Variants in SLC25A13 observed in about 807,000 individuals in gnomAD.
SLC25A13 encodes electrogenic aspartate/glutamate antiporter SLC25A13, mitochondrial.
Under a neutral mutation model 85.5 loss-of-function variants are expected in SLC25A13, and 70 were observed. The ratio of observed to expected loss-of-function variants is 0.82; its 90% CI spans 0.68 to 1.00. The LOEUF (loss-of-function observed/expected upper bound fraction) is 1.00, where lower values mean the gene tolerates loss of function less well. SLC25A13 is among the 50% of genes least tolerant of loss of function. The pLI, the probability that SLC25A13 is intolerant of heterozygous loss-of-function variation, is 0.00. For synonymous variants in SLC25A13, 259 were observed against 288.7 expected (o/e 0.90, Z 1.04); for missense variants, 765 against 819.8 (o/e 0.93, Z 0.82).
chr7:96,126,642 G>C (rs1175116282), intron 15 of SLC25A13, among the ~76,000 whole-genome samples: 1 of 152,158 alleles, frequency 6.6e-6, no homozygotes, highest in African/African-American at 2.4e-5. Flanking sequence ...ATTAGAGGTA[G>C]TTTCTCCTGC....
At position 96,189,336 on chromosome 7, in the gene SLC25A13, T is replaced by C. The variant is rs753493066; in HGVS notation, c.891A>G (p.Glu297=). ...LADIERIAPL[E]EGTLPFNLAE... is the part of the protein sequence containing the mutation. ...CCAAGTTAAAGGGCAGAGTTCCCTCTTCCAGAGGAGCAATCCGTTCAATGT... is the reference window on the plus strand; with the variant it reads ...CCAAGTTAAAGGGCAGAGTTCCCTCCTCCAGAGGAGCAATCCGTTCAATGT... Residue 297 remains glutamate (E), a synonymous_variant, in exon 9 of 18, where the codon GAA becomes GAG. Coordinates refer to ENST00000265631, the MANE Select transcript of SLC25A13 (RefSeq NM_014251.3). 6.2e-7 allele frequency: 1 copy of C among 1,614,164 alleles called. No individual in the cohort carries two copies. The highest frequency in any genetic ancestry group is 1.1e-5 in the South Asian group (1 of 91,076).
At chr7:96,138,822 TC>T in intron 14 of SLC25A13, among the ~76,000 whole-genome samples, 1 of 152,174 alleles carries the variant, frequency 6.6e-6, no homozygotes, top group East Asian at 1.9e-4. Context: ...CTTTAAGGAA[TC>T]CTTTTTTTCT....
intron 15 of SLC25A13, among the ~76,000 whole-genome samples, chr7:96,126,842 A>C (rs1791749307): frequency 6.6e-6 from 1 of 152,124 alleles, no homozygotes; most frequent in South Asian, 2.1e-4. Context: ...GTCTTGATTC[A>C]ATTTCTTCAT....
chr7:96,244,696 A>G lies in SLC25A13; in HGVS notation c.213-9779T>C, dbSNP rs1283652622. On this transcript the variant is annotated intron_variant, in intron 3 of 17. Coordinates refer to ENST00000265631, the MANE Select transcript of SLC25A13 (RefSeq NM_014251.3). Reference sequence around the variant, plus strand: ...AGGACCTTGGCATTCCCTGGAGTGCATGTGTTCTGAGGCCAGCAGGGCTCT... The same window carrying G: ...AGGACCTTGGCATTCCCTGGAGTGCGTGTGTTCTGAGGCCAGCAGGGCTCT... Among the ~76,000 whole-genome samples, 7 of 152,152 alleles carry G rather than the reference A, an allele frequency of 4.6e-5. No individual in the cohort carries two copies. In the East Asian group the frequency reaches 1.2e-3, roughly 25 times the overall value.
At chr7:96,248,889 T>C (rs1223146286) in intron 3 of SLC25A13, among the ~76,000 whole-genome samples, 1 of 152,236 alleles carries the variant, frequency 6.6e-6, no homozygotes, top group African/African-American at 2.4e-5. Flanking sequence ...TTCTGAATGA[T>C]TAAGACATTC....
At chr7:96,277,997 T>C (rs73710269) in intron 2 of SLC25A13, among the ~76,000 whole-genome samples, 2,041 of 152,296 alleles carry the variant, frequency 0.013, 40 homozygotes, top group African/African-American at 0.046. Flanking sequence ...TACTGTCCTC[T>C]CCATTCTAAG....
At chr7:96,169,466 G>C (rs1793910290) in intron 13 of SLC25A13, among the ~76,000 whole-genome samples, 1 of 152,056 alleles carries the variant, frequency 6.6e-6, no homozygotes, top group African/African-American at 2.4e-5. Context: ...GATAAAACGA[G>C]ACACAATGTT....
chr7:96,131,166 C>A (rs540385348), intron 15 of SLC25A13, among the ~76,000 whole-genome samples: 2 of 152,246 alleles, frequency 1.3e-5, no homozygotes, highest in South Asian at 4.2e-4. Context: ...TGATCCCTGG[C>A]ATGGTTAATT....
chr7:96,206,647 G>A (rs1795472884), intron 5 of SLC25A13, among the ~76,000 whole-genome samples: 1 of 152,176 alleles, frequency 6.6e-6, no homozygotes, highest in African/African-American at 2.4e-5. Flanking sequence ...TAAAAGTTCA[G>A]TACTTCTATT....
chr7:96,138,902 T>C (rs370872987), intron 14 of SLC25A13, among the ~76,000 whole-genome samples: 1 of 152,220 alleles, frequency 6.6e-6, no homozygotes, highest in African/African-American at 2.4e-5. Context: ...AGCCATCTCC[T>C]TTTAATTTGC....
intron 5 of SLC25A13, among the ~76,000 whole-genome samples, chr7:96,197,371 G>C (rs1377773127): frequency 6.6e-6 from 1 of 152,162 alleles, no homozygotes; most frequent in Non-Finnish European, 1.5e-5. Context: ...TAGTAGCAGA[G>C]ACCAAGGAGG....
At chr7:96,249,202 C>G (rs1797320120) in intron 3 of SLC25A13, among the ~76,000 whole-genome samples, 1 of 152,186 alleles carries the variant, frequency 6.6e-6, no homozygotes, top group South Asian at 2.1e-4. Flanking sequence ...AGTAGCATTT[C>G]TAGATTTTAC....
chr7:96,244,203 C>G (rs1232290087), intron 3 of SLC25A13, among the ~76,000 whole-genome samples: 2 of 152,144 alleles, frequency 1.3e-5, no homozygotes, highest in Non-Finnish European at 2.9e-5. Flanking sequence ...CAGCCCCTCC[C>G]CATCAAGAGG....
intron 13 of SLC25A13, among the ~76,000 whole-genome samples, chr7:96,148,400 C>A (rs1792890737): frequency 6.6e-6 from 1 of 152,158 alleles, no homozygotes; most frequent in Non-Finnish European, 1.5e-5. Context: ...TTGTTTACAG[C>A]CCGTGAGTGT....
At chr7:96,206,542 T>G (rs1381245265) in intron 5 of SLC25A13, among the ~76,000 whole-genome samples, 2 of 152,152 alleles carry the variant, frequency 1.3e-5, no homozygotes, top group Non-Finnish European at 2.9e-5. Flanking sequence ...CCTATCATGG[T>G]CCATCCATTA....
At chr7:96,297,947 C>T (rs1034665983) in intron 1 of SLC25A13, among the ~76,000 whole-genome samples, 59 of 152,160 alleles carry the variant, frequency 3.9e-4, no homozygotes, top group African/African-American at 1.4e-3. Context: ...TGGGGAAAAG[C>T]AAGACAAACT....
chr7:96,191,514 G>A (rs1794852092), intron 6 of SLC25A13, among the ~76,000 whole-genome samples: 1 of 152,176 alleles, frequency 6.6e-6, no homozygotes, highest in African/African-American at 2.4e-5. Context: ...AACAGGACTA[G>A]TAGTAATTTA....
intron 13 of SLC25A13, among the ~76,000 whole-genome samples, chr7:96,168,405 C>A (rs1405500563): frequency 6.6e-6 from 1 of 152,072 alleles, no homozygotes. Flanking sequence ...CAATTTTAAG[C>A]CTGTGTTTAG....
chr7:96,294,287 G>C (rs559729821), intron 2 of SLC25A13, among the ~76,000 whole-genome samples: 233 of 152,050 alleles, frequency 1.5e-3, no homozygotes, highest in African/African-American at 5.0e-3. Context: ...TTGTGGGGTG[G>C]GGGGAGGAGG....
Sources: gnomAD v4.1 joint callset for allele counts (sites outside exome capture counted in the v4.1 genomes callset) on GRCh38, gnomAD v4.1.1 for gene constraint, MANE v1.5 for transcripts, NCBI Gene and HGNC (gene_info 2026-07-23, HGNC 2026-07-21) for gene names.